The following NECAB1 variants were observed in gnomAD, a reference collection of about 807,000 sequenced individuals.
NECAB1 encodes the protein N-terminal EF-hand calcium-binding protein 1.
A neutral mutation model predicts 57.5 loss-of-function variants in NECAB1; 29 were observed. The ratio of observed to expected loss-of-function variants is 0.50; its 90% CI spans 0.38 to 0.69. The LOEUF (loss-of-function observed/expected upper bound fraction) is 0.69, where lower values mean the gene tolerates loss of function less well. NECAB1 is among the 30% of genes least tolerant of loss of function. The pLI, the probability that NECAB1 is intolerant of heterozygous loss-of-function variation, is 0.00. For missense variants in NECAB1, 372 were observed against 413.8 expected (o/e 0.90, Z 0.88); for synonymous variants, 142 against 147.7 (o/e 0.96, Z 0.28).
At chr8:90,880,323 T>C (rs1226952350) in intron 4 of NECAB1, among the ~76,000 whole-genome samples, 1 of 152,130 alleles carries the variant, frequency 6.6e-6, no homozygotes, top group Admixed American at 6.5e-5. Context: ...AATATATAAA[T>C]TTATGTTAAG....
Position 90,955,706 on chromosome 8 carries a change from A to G in NECAB1, c.*194A>G. On this transcript the variant is annotated 3_prime_UTR_variant, in exon 13 of 13. Coordinates refer to ENST00000417640, the MANE Select transcript of NECAB1 (RefSeq NM_022351.5). The stretch of plus-strand genomic sequence containing the variant: ...AATTTTAGCTCAATTTTCAAAGTTC[A>G]CTAATATTCTCAATATTTAATGCTA... 2.1e-6 allele frequency: 1 copy of G among 474,194 alleles called. No homozygotes were observed. Among genetic ancestry groups the G allele is most frequent in the Non-Finnish European group, 3.7e-6 (1 of 270,496 alleles). 29.4% of individuals were successfully genotyped at this position (474,194 alleles called of 1,614,324 possible).
chr8:90,953,265 T>C (rs1200745561), intron 12 of NECAB1, among the ~76,000 whole-genome samples: 1 of 152,146 alleles, frequency 6.6e-6, no homozygotes, highest in African/African-American at 2.4e-5. Context: ...GAATTGAAAA[T>C]GTGGACTAAT....
chr8:90,927,855 A>T (rs1489275524), intron 7 of NECAB1, among the ~76,000 whole-genome samples: 1 of 149,382 alleles, frequency 6.7e-6, no homozygotes, highest in Non-Finnish European at 1.5e-5. Flanking sequence ...CAGGGGTATG[A>T]TTTCACTAGC....
rs1811049872 is a variant in NECAB1 at position 90,957,354 on chromosome 8, T to C, written c.*1842T>C. ...ATCAAATATTTTGGGTACTAGGCAG[T>C]TTCCAAAGTAGCATGGTAGTATTAC... On this transcript the variant is annotated 3_prime_UTR_variant, in exon 13 of 13. Coordinates refer to ENST00000417640, the MANE Select transcript of NECAB1 (RefSeq NM_022351.5). The C allele has an allele frequency of 6.6e-6, 1 of 151,900 alleles. No individual in the cohort carries two copies. Among genetic ancestry groups the C allele is most frequent in the African/African-American group, 2.4e-5 (1 of 41,402 alleles). The allele number at this position is 151,900 out of a possible 1,614,324, so 9.4% of individuals were successfully genotyped here.
intron 2 of NECAB1, among the ~76,000 whole-genome samples, chr8:90,804,021 G>A (rs970627966): frequency 1.3e-5 from 2 of 152,170 alleles, no homozygotes; most frequent in African/African-American, 4.8e-5. Flanking sequence ...TTGTCCTTAA[G>A]GTGGAGACTG....
chr8:90,822,569 C>T (rs922124908), intron 2 of NECAB1, among the ~76,000 whole-genome samples: 3 of 151,388 alleles, frequency 2.0e-5, no homozygotes, highest in African/African-American at 7.3e-5. Flanking sequence ...GTCTTTTAGC[C>T]CCAGAGAATC....
At chr8:90,886,799 A>C (rs1034268614) in intron 5 of NECAB1, among the ~76,000 whole-genome samples, 1 of 152,084 alleles carries the variant, frequency 6.6e-6, no homozygotes, top group Non-Finnish European at 1.5e-5. Context: ...CATTAAATTT[A>C]TAAAGTAATT....
At position 90,863,679 on chromosome 8, in the gene NECAB1, AC is replaced by A. The variant is rs1808453389; in HGVS notation, c.234-8448del. Among the ~76,000 whole-genome samples the A allele has an allele frequency of 2.6e-5, 4 of 152,126 alleles. No individual in the cohort carries two copies. The South Asian group carries it at 8.3e-4, about 31-fold the overall frequency. The stretch of plus-strand genomic sequence containing the variant: ...ATGAGAGAGTGTTATTATATTTAAT[AC>A]TTTCTTTACATTATTTCCTAAGTTT... On this transcript the variant is annotated intron_variant, in intron 3 of 12. Coordinates refer to ENST00000417640, the MANE Select transcript of NECAB1 (RefSeq NM_022351.5).
chr8:90,954,302 A>G (rs550255128), intron 12 of NECAB1, among the ~76,000 whole-genome samples: 60 of 152,234 alleles, frequency 3.9e-4, no homozygotes, highest in Non-Finnish European at 7.1e-4. Context: ...TAATTAAGCA[A>G]CTAAGCCAGA....
chr8:90,891,539 TA>T (rs1266362809), intron 5 of NECAB1, among the ~76,000 whole-genome samples: 1 of 151,964 alleles, frequency 6.6e-6, no homozygotes, highest in African/African-American at 2.4e-5. Flanking sequence ...TTCCCATATA[TA>T]AAAAAATGTA....
intron 4 of NECAB1, among the ~76,000 whole-genome samples, chr8:90,873,556 G>C (rs1291639938): frequency 1.3e-5 from 2 of 152,174 alleles, no homozygotes; most frequent in Non-Finnish European, 2.9e-5. Flanking sequence ...TAAGGTAGCA[G>C]ACCCATTTCC....
chr8:90,925,693 C>A (rs1199761885), intron 7 of NECAB1, 37 bp downstream of exon 7: 2 of 1,609,988 alleles, frequency 1.2e-6, no homozygotes, highest in Non-Finnish European at 1.7e-6. Context: ...TTGTCAAAGT[C>A]TATTTATCTT....
chr8:90,792,706 T>C (rs1448215348), intron 1 of NECAB1, among the ~76,000 whole-genome samples: 2 of 152,228 alleles, frequency 1.3e-5, no homozygotes, highest in African/African-American at 4.8e-5. Context: ...ACATCCTTTC[T>C]TTTCCTTCTG....
chr8:90,826,156 G>C (rs1280451309), intron 3 of NECAB1, among the ~76,000 whole-genome samples: 1 of 151,880 alleles, frequency 6.6e-6, no homozygotes, highest in East Asian at 1.9e-4. Context: ...GGAGAAGCAT[G>C]AGAAAAGTCC....
At chr8:90,943,458 G>GTATAGAA in intron 10 of NECAB1, among the ~76,000 whole-genome samples, 1 of 152,116 alleles carries the variant, frequency 6.6e-6, no homozygotes, top group East Asian at 1.9e-4. Context: ...AATATATATG[G>GTATAGAA]TATAGATGTT....
At chr8:90,878,075 C>T (rs1305529878) in intron 4 of NECAB1, among the ~76,000 whole-genome samples, 3 of 151,652 alleles carry the variant, frequency 2.0e-5, no homozygotes, top group Admixed American at 1.3e-4. Flanking sequence ...CTCGTTCTGT[C>T]ACCCAGGCTG....
At chr8:90,793,586 A>G (rs7002288) in intron 1 of NECAB1, among the ~76,000 whole-genome samples, 80,495 of 152,068 alleles carry the variant, frequency 0.53, 25,240 homozygotes, top group East Asian at 0.86. Flanking sequence ...TAAGCTGAGA[A>G]AAGAGAAGGG....
At chr8:90,868,606 A>G (rs1256588114) in intron 3 of NECAB1, among the ~76,000 whole-genome samples, 6 of 152,150 alleles carry the variant, frequency 3.9e-5, no homozygotes, top group African/African-American at 1.4e-4. Context: ...ATGATTTGGG[A>G]TATCTGGCGG....
At chr8:90,792,305 T>TG (rs1403797709) in intron 1 of NECAB1, among the ~76,000 whole-genome samples, 1 of 152,262 alleles carries the variant, frequency 6.6e-6, no homozygotes, top group South Asian at 2.1e-4. Flanking sequence ...GCACAAGGTG[T>TG]GGGGGGTGAG....
Sources: gnomAD v4.1 joint callset for allele counts (sites outside exome capture counted in the v4.1 genomes callset) on GRCh38, gnomAD v4.1.1 for gene constraint, MANE v1.5 for transcripts, NCBI Gene and HGNC (gene_info 2026-07-23, HGNC 2026-07-21) for gene names.